The following ZC3H4 variants were observed in gnomAD, a reference collection of about 807,000 sequenced individuals.
The protein encoded by ZC3H4 is zinc finger CCCH domain-containing protein 4.
ZC3H4 carries 13 observed loss-of-function variants against 108.3 expected under a neutral mutation model. The observed-to-expected ratio is 0.12, with a 90% CI of 0.08 to 0.19. The LOEUF (loss-of-function observed/expected upper bound fraction) is 0.19. Ranked by LOEUF, ZC3H4 falls within the 10% of genes least tolerant of loss-of-function variation. The probability of loss-of-function intolerance (pLI) is 1.00; values close to 1 mark genes in which losing one functional copy is unlikely to be tolerated. For synonymous variants in ZC3H4, 917 were observed against 749.6 expected (o/e 1.22, Z -3.65); for missense variants, 1,734 against 1,838.8 (o/e 0.94, Z 1.04).
chr19:47,089,690 G>A (rs368299539), intron 5 of ZC3H4, among the ~76,000 whole-genome samples: 2 of 122,770 alleles, frequency 1.6e-5, no homozygotes, highest in African/African-American at 5.0e-5. Context: ...AGGTGAAAGA[G>A]AAGCTGTTCC....
In ZC3H4 at chr19:47,066,914, G is replaced by A. The variant is rs539904214; in HGVS notation, c.3354C>T (p.Thr1118=). The change falls in exon 15 of 15, where the codon ACC becomes ACT. Residue 1118 remains threonine (T), a synonymous_variant. Coordinates refer to ENST00000253048, the MANE Select transcript of ZC3H4 (RefSeq NM_015168.2). ...SPSGDASPPA[T]APYDPRVLAA... ...CCAGCACGCGGGGGTCGTAGGGAGC[G>A]GTGGCTGGTGGGGAGGCATCCCCAC... is the stretch of plus-strand genomic sequence containing the variant. 125 of 1,596,456 alleles carry A rather than the reference G, an allele frequency of 7.8e-5. No individual in the cohort carries two copies. Among genetic ancestry groups the A allele is most frequent in the Middle Eastern group, 5.0e-4 (3 of 6,044 alleles).
intron 5 of ZC3H4, among the ~76,000 whole-genome samples, chr19:47,089,204 CAAAAAAAAAAAAAAAA>C (rs888647856): frequency 3.7e-5 from 1 of 26,840 alleles, no homozygotes; most frequent in African/African-American, 1.3e-4. Context: ...GACTCCGTCT[CAAAAAAAAAAAAAAAA>C]AAAAAAAAAA....
chr19:47,074,899 G>A (rs185878084), intron 11 of ZC3H4, among the ~76,000 whole-genome samples: 10 of 152,268 alleles, frequency 6.6e-5, no homozygotes, highest in East Asian at 1.9e-4. Flanking sequence ...TCCCTTCACC[G>A]CAGTTAACAT....
At position 47,094,541 on chromosome 19, in the gene ZC3H4, C is replaced by T. The variant is rs1385063140; in HGVS notation, c.229G>A (p.Gly77Arg). 2.5e-6 allele frequency: 4 copies of T among 1,614,082 alleles called. No individual in the cohort carries two copies. The highest frequency in any genetic ancestry group is 2.5e-6 in the Non-Finnish European group (3 of 1,180,050). The part of the protein sequence containing the change: ...DGAEETQDTS[G>R]GPERSRKEKG... ...TCTTTCCGGCTTCTCTCAGGCCCTC[C>T]GGAGGTATCCTGGGTCTCCTCTGCC... Residue 77 changes from glycine to arginine, a missense_variant, in exon 3 of 15, where the codon GGA (glycine) becomes AGA (arginine). Transcript: ENST00000253048.
intron 13 of ZC3H4, 126 bp downstream of exon 13, chr19:47,071,652 T>C: frequency 1.0e-6 from 1 of 1,002,280 alleles, no homozygotes. Flanking sequence ...AACCATTAAA[T>C]GGGACAGAGA....
At chr19:47,091,193 A>C (rs1283303215) in intron 4 of ZC3H4, among the ~76,000 whole-genome samples, 3 of 151,972 alleles carry the variant, frequency 2.0e-5, no homozygotes, top group Non-Finnish European at 1.5e-5. Context: ...AATTGCTTGA[A>C]CCCGCGAGGC....
At position 47,069,087 on chromosome 19, in the gene ZC3H4, CGT is replaced by C; in HGVS notation, c.2398+3_2398+4del. The C allele has an allele frequency of 6.2e-7, 1 of 1,602,698 alleles. No homozygotes were observed. Among genetic ancestry groups the C allele is most frequent in the Non-Finnish European group, 8.5e-7 (1 of 1,179,888 alleles). ...TGTGCCCCGGCCCCTGGGGCGGACACGTGCCTTCCTCATTCTCCCGGTCCTGC... is the reference window on the plus strand; with the variant it reads ...TGTGCCCCGGCCCCTGGGGCGGACACGCCTTCCTCATTCTCCCGGTCCTGC... On this transcript the variant is annotated splice_donor_region_variant and intron_variant, in intron 14 of 14. Coordinates refer to ENST00000253048, the MANE Select transcript of ZC3H4 (RefSeq NM_015168.2).
At chr19:47,109,982 T>G (rs1032351927) in intron 2 of ZC3H4, among the ~76,000 whole-genome samples, 9 of 152,132 alleles carry the variant, frequency 5.9e-5, no homozygotes, top group South Asian at 2.1e-4. Context: ...AGGTGTTCCC[T>G]CCAACATGAC....
At position 47,085,211 on chromosome 19, in the gene ZC3H4, T is replaced by C. The variant is rs758812126; in HGVS notation, c.968-16A>G. The C allele has an allele frequency of 1.1e-5, 17 of 1,592,710 alleles. No homozygotes were observed. Among genetic ancestry groups the C allele is most frequent in the Non-Finnish European group, 1.4e-5 (16 of 1,165,860 alleles). ...CGACTTAGCCCTGTGGAGGGGAGAT[T>C]GTGTGAAGACCTGCTGACCACCCCC... On this transcript the variant is annotated splice_polypyrimidine_tract_variant and intron_variant, in intron 7 of 14. Coordinates refer to ENST00000253048, the MANE Select transcript of ZC3H4 (RefSeq NM_015168.2).
At chr19:47,083,906 T>C (rs1429913584) in intron 9 of ZC3H4, among the ~76,000 whole-genome samples, 1 of 152,068 alleles carries the variant, frequency 6.6e-6, no homozygotes. Flanking sequence ...TCTGTGGTCA[T>C]TGGTCCATCT....
At position 47,072,259 on chromosome 19, in the gene ZC3H4, G is replaced by C; in HGVS notation, c.1802+93C>G. On this transcript the variant is annotated intron_variant, in intron 12 of 14. Transcript: ENST00000253048. The surrounding 1 kb of genome is among the most constrained non-coding windows in gnomAD (Gnocchi z 5.6). ...CTCCCACAGCTGGGGAGAGAGGCAGGACTCTCCCACAGCCAGGCTTGCCCT... is the reference window on the plus strand; with the variant it reads ...CTCCCACAGCTGGGGAGAGAGGCAGCACTCTCCCACAGCCAGGCTTGCCCT... 1 of 1,431,032 alleles carries C rather than the reference G, an allele frequency of 7.0e-7. No individual in the cohort carries two copies. Among genetic ancestry groups the C allele is most frequent in the Non-Finnish European group, 9.5e-7 (1 of 1,052,104 alleles). 88.6% of individuals were successfully genotyped at this position (1,431,032 alleles called of 1,614,324 possible).
chr19:47,074,803 G>T (rs1344643579), intron 11 of ZC3H4, among the ~76,000 whole-genome samples: 1 of 152,198 alleles, frequency 6.6e-6, no homozygotes, highest in African/African-American at 2.4e-5. Context: ...AGGGCAGCGT[G>T]GCCCCTGCGA....
At chr19:47,074,987 A>G (rs2057394245) in intron 11 of ZC3H4, among the ~76,000 whole-genome samples, 1 of 152,204 alleles carries the variant, frequency 6.6e-6, no homozygotes, top group African/African-American at 2.4e-5. Flanking sequence ...TGGTCCTAAC[A>G]CAGGGTCATC....
At chr19:47,111,003 G>A (rs1229368357) in intron 2 of ZC3H4, 2 of 823,384 alleles carry the variant, frequency 2.4e-6, no homozygotes, top group African/African-American at 1.9e-5. Context: ...GGGAGAAGGG[G>A]TCGTACGTAC....
chr19:47,084,546 GA>G, intron 8 of ZC3H4, 91 bp from the exon 9 acceptor site: 1 of 1,259,976 alleles, frequency 7.9e-7, no homozygotes. Flanking sequence ...AGAAGGGGAT[GA>G]GGGGTCCCTT....
At chr19:47,094,895 T>C (rs761456877) in intron 2 of ZC3H4, among the ~76,000 whole-genome samples, 1 of 152,190 alleles carries the variant, frequency 6.6e-6, no homozygotes, top group Non-Finnish European at 1.5e-5. Flanking sequence ...ACTAGTGTTC[T>C]TAGAAGAAGA....
chr19:47,111,011 T>A, intron 2 of ZC3H4: 1 of 760,742 alleles, frequency 1.3e-6, no homozygotes, highest in Non-Finnish European at 1.6e-6. Context: ...GGGTCGTACG[T>A]ACAGCCTGGC....
At chr19:47,070,541 G>C (rs896980207) in intron 13 of ZC3H4, among the ~76,000 whole-genome samples, 1 of 152,148 alleles carries the variant, frequency 6.6e-6, no homozygotes, top group African/African-American at 2.4e-5. Context: ...AGCTTTTCCC[G>C]TGCACCTTTT....
chr19:47,100,196 C>T (rs956702402), intron 2 of ZC3H4, among the ~76,000 whole-genome samples: 1 of 152,136 alleles, frequency 6.6e-6, no homozygotes, highest in East Asian at 1.9e-4. Flanking sequence ...AAGAAAGGCC[C>T]GAGACCTTCC....
Sources: gnomAD v4.1 joint callset for allele counts (sites outside exome capture counted in the v4.1 genomes callset) on GRCh38, gnomAD v4.1.1 for gene constraint, Gnocchi (gnomAD v3.1) non-coding constraint, MANE v1.5 for transcripts, NCBI Gene and HGNC (gene_info 2026-07-23, HGNC 2026-07-21) for gene names.